Variants in MEFV observed in about 807,000 individuals in gnomAD.
The protein encoded by MEFV is MEFV innate immunity regulator, pyrin, also known as pyrin.
Under a neutral mutation model 62.5 loss-of-function variants are expected in MEFV, and 60 were observed. That is an observed-to-expected ratio of 0.96 (90% CI 0.78 to 1.19). The LOEUF (loss-of-function observed/expected upper bound fraction) is 1.19, where lower values mean the gene tolerates loss of function less well. Ranked by LOEUF, MEFV falls within the 50% of genes most tolerant of loss-of-function variation. The probability of loss-of-function intolerance (pLI) is 0.00; values close to 1 mark genes in which losing one functional copy is unlikely to be tolerated. For missense variants in MEFV, 1,169 were observed against 1,004.5 expected (o/e 1.16, Z -2.21); for synonymous variants, 500 against 415.2 (o/e 1.20, Z -2.48).
chr16:3,243,155 GAC>G lies in MEFV; in HGVS notation c.2330_2331del (p.Gly777AlafsTer4), dbSNP rs753946287. The G allele has an allele frequency of 1.1e-5, 17 of 1,613,454 alleles. No homozygotes were observed. The highest frequency in any genetic ancestry group is 1.4e-5 in the Non-Finnish European group (17 of 1,180,038). ...GTGTTGGGCATTCAGTCAGGCCCCT[GAC>G]CACCCACTGGACAGATAGTCAGAGG... ...TAPLTICPVG[G>X]QGPD On this transcript the variant is annotated frameshift_variant, in exon 10 of 10. Coordinates refer to ENST00000219596, the MANE Select transcript of MEFV (RefSeq NM_000243.3). LOFTEE classifies it high-confidence loss of function.
intron 4 of MEFV, chr16:3,247,716 T>C (rs900416476): frequency 2.9e-5 from 5 of 171,688 alleles, no homozygotes; most frequent in Non-Finnish European, 5.1e-5. Flanking sequence ...GGCAGATCAC[T>C]TGAGATCAGG....
rs201626579 is a variant in MEFV at position 3,253,680 on chromosome 16, AT to A, written c.910+477del. Reference sequence around the variant, plus strand: ...AGGCGTGTGCCACCATACCCAGCTAATTTTTTTTTTAGTTTTGTAGAAGTGG... The same window carrying A: ...AGGCGTGTGCCACCATACCCAGCTAATTTTTTTTTAGTTTTGTAGAAGTGG... On this transcript the variant is annotated intron_variant, in intron 2 of 9. Coordinates refer to ENST00000219596, the MANE Select transcript of MEFV (RefSeq NM_000243.3). Among the ~76,000 whole-genome samples the A allele has an allele frequency of 5.0e-3, 749 of 149,076 alleles. 4 individuals are homozygous for A. Among genetic ancestry groups the A allele is most frequent in the African/African-American group, 0.017 (701 of 40,612 alleles).
rs1270033927 is a variant in MEFV, at chr16:3,254,160, G to A, written c.908C>T (p.Thr303Ile). Residue 303 changes from threonine (T) to isoleucine (I), a missense_variant and splice_region_variant, in exon 2 of 10, where the codon ACC (threonine) becomes ATC (isoleucine). By Grantham distance (89) the Thr-to-Ile change is moderately conservative (BLOSUM62 -1). Transcript: ENST00000219596. ...EGPGNPEHSV[T>I]GRPPDTAASP... ...AAGTAGGAAAGAACACAATTTACCG[G>A]TGACCGAATGTTCTGGATTTCCAGG... 6.2e-7 allele frequency: 1 copy of A among 1,614,060 alleles called. No individual in the cohort carries two copies. The highest frequency in any genetic ancestry group is 1.7e-5 in the Admixed American group (1 of 60,024).
At chr16:3,252,949 C>CAA (rs5815167) in intron 2 of MEFV, among the ~76,000 whole-genome samples, 105 of 51,484 alleles carry the variant, frequency 2.0e-3, no homozygotes, top group Admixed American at 2.7e-3. Context: ...GACTCTGTCT[C>CAA]AAAAAAAAAA....
At chr16:3,243,828 C>T in intron 9 of MEFV, 32 bp downstream of exon 9, 1 of 1,612,190 alleles carries the variant, frequency 6.2e-7, no homozygotes, top group East Asian at 2.2e-5. Flanking sequence ...ATCCAGCAGG[C>T]CAGGGCCACT....
At chr16:3,253,071 G>GT (rs1005106115) in intron 2 of MEFV, among the ~76,000 whole-genome samples, 47 of 149,692 alleles carry the variant, frequency 3.1e-4, no homozygotes, top group African/African-American at 1.0e-3. Flanking sequence ...TTCTTTTACA[G>GT]TTTTTTTTTA....
At chr16:3,243,980 C>G (rs536557865) in intron 8 of MEFV, 88 bp from the exon 9 acceptor site, 3 of 1,582,774 alleles carry the variant, frequency 1.9e-6, no homozygotes, top group East Asian at 4.6e-5. Context: ...CAAGGAAAGA[C>G]AAGGAACCCC....
At chr16:3,251,237 C>T (rs1047479352) in intron 2 of MEFV, among the ~76,000 whole-genome samples, 1 of 152,084 alleles carries the variant, frequency 6.6e-6, no homozygotes, top group Non-Finnish European at 1.5e-5. Context: ...CCCAAATGCC[C>T]TGCATTTCTC....
At chr16:3,255,804 T>C (rs1377363018) in intron 1 of MEFV, among the ~76,000 whole-genome samples, 1 of 152,072 alleles carries the variant, frequency 6.6e-6, no homozygotes, top group Non-Finnish European at 1.5e-5. Flanking sequence ...GATTATACGC[T>C]TTAAAAATAA....
At chr16:3,246,027 C>G (rs967705421) in intron 6 of MEFV, among the ~76,000 whole-genome samples, 1 of 152,120 alleles carries the variant, frequency 6.6e-6, no homozygotes, top group Non-Finnish European at 1.5e-5. Flanking sequence ...GGATGAAGCC[C>G]GAAGACATTA....
Position 3,249,638 on chromosome 16 carries a change from GC to G in MEFV, c.1052del (p.Gly351AlafsTer17), listed in dbSNP as rs748428266. On this transcript the variant is annotated frameshift_variant, in exon 3 of 10. Transcript: ENST00000219596. LOFTEE classifies it high-confidence loss of function. ...CATGGGAGTCCTGGCACCGGGGGCA[GC>G]CAGGTGAGCGGCTGCCTGAGGCCTG... ...HPQASGSRSPGCPRCQDSHER... is the reference protein window; with the variant it reads ...HPQASGSRSPXCPRCQDSHER... 6.2e-7 allele frequency: 1 copy of G among 1,613,892 alleles called. No homozygotes were observed. The highest frequency in any genetic ancestry group is 8.5e-7 in the Non-Finnish European group (1 of 1,179,890).
chr16:3,255,624 C>A (rs1033119306), intron 1 of MEFV, among the ~76,000 whole-genome samples: 1 of 151,836 alleles, frequency 6.6e-6, no homozygotes, highest in Non-Finnish European at 1.5e-5. Context: ...CCAAGCTGGT[C>A]TCAAACTCCT....
chr16:3,256,214 C>T, intron 1 of MEFV, 97 bp downstream of exon 1: 1 of 1,428,958 alleles, frequency 7.0e-7, no homozygotes, highest in Non-Finnish European at 9.6e-7. Flanking sequence ...ACTCCCAATC[C>T]CCAGGTCAGA....
At chr16:3,246,474 C>A (rs772895338) in intron 6 of MEFV, 51 bp downstream of exon 6, 1 of 1,610,288 alleles carries the variant, frequency 6.2e-7, no homozygotes, top group Non-Finnish European at 8.5e-7. Flanking sequence ...CTGTCTCCCC[C>A]ATATGCTTTC....
intron 6 of MEFV, 34 bp from the exon 7 acceptor site, chr16:3,244,622 G>A (rs370356954): frequency 2.0e-5 from 30 of 1,538,454 alleles, no homozygotes; most frequent in Admixed American, 1.7e-4. Flanking sequence ...AGAGAAGGCC[G>A]GAGCGAGGGG....
rs771969495 is a variant in MEFV at position 3,249,728 on chromosome 16, G to A, written c.963C>T (p.Asp321=). 2 of 1,614,104 alleles carry A rather than the reference G, an allele frequency of 1.2e-6. No homozygotes were observed. Among genetic ancestry groups the A allele is most frequent in the Admixed American group, 3.3e-5 (2 of 60,020 alleles). The change falls in exon 3 of 10, where the codon GAC becomes GAT. Residue 321 remains aspartate (D), a synonymous_variant. Transcript: ENST00000219596. ...CACGCACACAGGTACCGTCAACTGG[G>A]TCTCCTTCCTGGGCGTGGCAGCGGG... ...ASPRCHAQEG[D]PVDGTCVRDS... is the part of the protein sequence containing the mutation.
At chr16:3,245,862 A>G (rs575870141) in intron 6 of MEFV, among the ~76,000 whole-genome samples, 6 of 152,312 alleles carry the variant, frequency 3.9e-5, no homozygotes, top group South Asian at 4.2e-4. Flanking sequence ...TCTCAAGCAG[A>G]TATTTGTACA....
At chr16:3,248,797 A>G (rs1958983965) in intron 4 of MEFV, 112 bp downstream of exon 4, 1 of 1,597,416 alleles carries the variant, frequency 6.3e-7, no homozygotes, top group African/African-American at 1.3e-5. Context: ...CCCTGAGAGG[A>G]GGTGGCCATC....
chr16:3,250,441 T>G (rs1959014755), intron 2 of MEFV, among the ~76,000 whole-genome samples: 1 of 151,832 alleles, frequency 6.6e-6, no homozygotes, highest in South Asian at 2.1e-4. Flanking sequence ...AGAGCCCACC[T>G]CTACAAAAAA....
Sources: allele counts gnomAD v4.1 joint callset (sites outside exome capture counted in the v4.1 genomes callset), GRCh38; gene constraint gnomAD v4.1.1; transcripts MANE v1.5; gene names NCBI Gene and HGNC (gene_info 2026-07-23, HGNC 2026-07-21).